Variants in ACTR3B observed in about 807,000 individuals in gnomAD.
ACTR3B encodes actin-related protein 3B.
Under a neutral mutation model 59.0 loss-of-function variants are expected in ACTR3B, and 8 were observed. That is an observed-to-expected ratio of 0.14 (90% CI 0.08 to 0.24). The LOEUF (loss-of-function observed/expected upper bound fraction) is 0.24, where lower values mean the gene tolerates loss of function less well. Ranked by LOEUF, ACTR3B falls within the 10% of genes least tolerant of loss-of-function variation. ACTR3B has a pLI of 1.00. For missense variants in ACTR3B, 245 were observed against 552.3 expected, an observed-to-expected ratio of 0.44 and a Z score of 5.58; for synonymous variants, 148 against 197.9, an observed-to-expected ratio of 0.75 and a Z score of 2.12.
intron 2 of ACTR3B, among the ~76,000 whole-genome samples, chr7:152,795,830 C>G (rs2098214370): frequency 6.6e-6 from 1 of 150,410 alleles, no homozygotes. Context: ...TTCTGAAAGG[C>G]AACTTAGTAG....
Position 152,820,377 on chromosome 7 carries a change from C to T in ACTR3B, c.619C>T (p.Leu207=). 1 of 1,608,958 alleles carries T rather than the reference C, an allele frequency of 6.2e-7. No homozygotes were observed. The highest frequency in any genetic ancestry group is 8.5e-7 in the Non-Finnish European group (1 of 1,176,382). The part of the protein sequence containing the change: ...GRDITYFIQQ[L]LREREVGIPP... Reference sequence around the variant, plus strand: ...AGATATTACGTATTTCATTCAACAGCTGCTAAGGGAGAGGGAGGTGGGAAT... The same window carrying T: ...AGATATTACGTATTTCATTCAACAGTTGCTAAGGGAGAGGGAGGTGGGAAT... Residue 207 remains leucine, a synonymous_variant, in exon 7 of 12, where the codon CTG becomes TTG. Transcript: ENST00000256001.
At chr7:152,795,487 A>G (rs931086780) in intron 2 of ACTR3B, among the ~76,000 whole-genome samples, 1 of 152,268 alleles carries the variant, frequency 6.6e-6, no homozygotes, top group Non-Finnish European at 1.5e-5. Context: ...TAGCTAGCTT[A>G]ATAGCTCTCT....
At chr7:152,820,183 C>T in intron 6 of ACTR3B, 116 bp from the exon 7 acceptor site, 1 of 1,530,742 alleles carries the variant, frequency 6.5e-7, no homozygotes, top group Non-Finnish European at 8.8e-7. Context: ...TATGTAAATG[C>T]TTGTCAGTGC....
intron 9 of ACTR3B, among the ~76,000 whole-genome samples, chr7:152,825,959 GC>G (rs1198567147): frequency 1.3e-5 from 2 of 152,332 alleles, no homozygotes; most frequent in African/African-American, 4.8e-5. Context: ...CCTACTGACA[GC>G]CCGAGATGGT....
intron 1 of ACTR3B, among the ~76,000 whole-genome samples, chr7:152,761,403 G>A (rs781055865): frequency 1.4e-4 from 21 of 152,110 alleles, no homozygotes; most frequent in Non-Finnish European, 2.4e-4. Context: ...TTTTAGTCTT[G>A]CAGAACTATT....
At chr7:152,777,772 G>A (rs1280090150) in intron 1 of ACTR3B, among the ~76,000 whole-genome samples, 1 of 152,090 alleles carries the variant, frequency 6.6e-6, no homozygotes, top group African/African-American at 2.4e-5. Flanking sequence ...CCAACGTGGT[G>A]AAACCCCGTT....
intron 2 of ACTR3B, among the ~76,000 whole-genome samples, chr7:152,787,632 CTATT>C (rs1209823343): frequency 6.6e-6 from 1 of 152,128 alleles, no homozygotes; most frequent in African/African-American, 2.4e-5. Context: ...TGTCCCAACA[CTATT>C]TATTAAAGAG....
rs373151823 is a variant in ACTR3B, at chr7:152,764,062, G to T, written c.44+4136G>T. Among the ~76,000 whole-genome samples, 66 of 151,824 alleles carry T rather than the reference G, an allele frequency of 4.3e-4. 1 individual carries two copies. The highest frequency in any genetic ancestry group is 1.5e-3 in the African/African-American group (62 of 41,366). On this transcript the variant is annotated intron_variant, in intron 1 of 11. Transcript: ENST00000256001. The stretch of plus-strand genomic sequence containing the variant: ...GCTGTGTTGCCCAGGCTGAAGTGCA[G>T]TGGTGTGACTTCAGCTCACTACAAC...
At chr7:152,812,811 G>A (rs1365119176) in intron 4 of ACTR3B, 1 of 135,698 alleles carries the variant, frequency 7.4e-6, no homozygotes, top group Admixed American at 7.9e-5. Context: ...TACTTTCCCT[G>A]TCGTAGGGGT....
At chr7:152,761,237 A>T (rs1055181755) in intron 1 of ACTR3B, among the ~76,000 whole-genome samples, 1 of 152,180 alleles carries the variant, frequency 6.6e-6, no homozygotes, top group Non-Finnish European at 1.5e-5. Flanking sequence ...TGTCGATACT[A>T]CAGCTCCCCT....
At chr7:152,827,520 A>G (rs1008599556) in intron 9 of ACTR3B, among the ~76,000 whole-genome samples, 6 of 151,202 alleles carry the variant, frequency 4.0e-5, no homozygotes, top group Non-Finnish European at 8.8e-5. Context: ...AATTAATCCA[A>G]AATCTCAGTG....
rs559703961 is a variant in ACTR3B, at chr7:152,853,748, A to T, written c.1161+171A>T. 1.6e-3 allele frequency among the ~76,000 whole-genome samples: 243 copies of T among 151,974 alleles called. 2 individuals carry two copies. The highest frequency in any genetic ancestry group is 2.4e-3 in the Non-Finnish European group (162 of 67,972). ...TTTTGTTTTTTCGAGATGGAGTCTC[A>T]CTCTGTCGCCCAGGCTGGAGTTTAA... On this transcript the variant is annotated intron_variant, in intron 11 of 11. Coordinates refer to ENST00000256001, the MANE Select transcript of ACTR3B (RefSeq NM_020445.6).
At chr7:152,775,539 C>G (rs1006649506) in intron 1 of ACTR3B, among the ~76,000 whole-genome samples, 1 of 152,060 alleles carries the variant, frequency 6.6e-6, no homozygotes, top group African/African-American at 2.4e-5. Context: ...GCGGGCAGAT[C>G]ACCTAAGGTC....
At chr7:152,851,534 C>T (rs1022319097) in intron 9 of ACTR3B, among the ~76,000 whole-genome samples, 2 of 152,190 alleles carry the variant, frequency 1.3e-5, no homozygotes, top group Non-Finnish European at 2.9e-5. Flanking sequence ...AGGGCTGGTT[C>T]GGGTTCTGGG....
intron 9 of ACTR3B, 113 bp downstream of exon 9, chr7:152,825,235 G>A (rs1796477382): frequency 2.7e-6 from 3 of 1,097,816 alleles, no homozygotes; most frequent in Non-Finnish European, 3.7e-6. Flanking sequence ...TTCACCTTCT[G>A]TTTCATAGGA....
At chr7:152,760,340 C>A (rs1204323094) in intron 1 of ACTR3B, among the ~76,000 whole-genome samples, 1 of 152,210 alleles carries the variant, frequency 6.6e-6, no homozygotes, top group Non-Finnish European at 1.5e-5. Flanking sequence ...CACTGCAGAT[C>A]CTTTAACGTC....
At chr7:152,849,979 CCAGGTGGAAGGCCAGCTTCTT>C (rs1426650994) in intron 9 of ACTR3B, among the ~76,000 whole-genome samples, 14 of 151,890 alleles carry the variant, frequency 9.2e-5, no homozygotes, top group Non-Finnish European at 1.5e-4. Context: ...GGTCACTTCT[CCAGGTGGAAGGCCAGCTTCTT>C]CAGGTGGAAG....
chr7:152,836,551 C>T (rs567639438), intron 9 of ACTR3B, among the ~76,000 whole-genome samples: 79 of 150,958 alleles, frequency 5.2e-4, no homozygotes, highest in Middle Eastern at 3.4e-3. Context: ...TGCACCACTG[C>T]GCTCCAGCCT....
At chr7:152,815,840 G>A (rs1189366075) in intron 5 of ACTR3B, among the ~76,000 whole-genome samples, 4 of 152,172 alleles carry the variant, frequency 2.6e-5, no homozygotes, top group Middle Eastern at 6.8e-3. Flanking sequence ...GCCAATCTGT[G>A]GCCCCACGCC....
Sources: allele counts gnomAD v4.1 joint callset (sites outside exome capture counted in the v4.1 genomes callset), GRCh38; gene constraint gnomAD v4.1.1; transcripts MANE v1.5; gene names NCBI Gene and HGNC (gene_info 2026-07-23, HGNC 2026-07-21).